Variants in SMIM36 observed in about 807,000 individuals in gnomAD.
SMIM36 encodes small integral membrane protein 36.
chr17:55,459,608 G>C (rs146440660), intron 4 of SMIM36, among the ~76,000 whole-genome samples: 4 of 152,148 alleles, frequency 2.6e-5, no homozygotes, highest in Non-Finnish European at 4.4e-5. Context: ...AGTTGATTAT[G>C]CAATTATTTG....
chr17:55,512,864 G>C (rs188123526), upstream of SMIM36, among the ~76,000 whole-genome samples: 19 of 152,268 alleles, frequency 1.2e-4, no homozygotes, highest in African/African-American at 3.6e-4. Context: ...AAGGTCTGCT[G>C]GTTTCTTAGT....
chr17:55,495,400 A>AT (rs1337479414), intron 1 of SMIM36, among the ~76,000 whole-genome samples: 2 of 152,242 alleles, frequency 1.3e-5, no homozygotes, highest in Non-Finnish European at 2.9e-5. Flanking sequence ...AACCACTGCT[A>AT]TAACCATAAC....
In SMIM36 at chr17:55,488,854, T is replaced by C. The variant is rs559608242; in HGVS notation, c.*175-9274A>G. 5.9e-5 allele frequency among the ~76,000 whole-genome samples: 9 copies of C among 152,204 alleles called. No homozygotes were observed. In the South Asian group the frequency reaches 1.9e-3, roughly 32 times the overall value. ...TCTGATCAAACGGCCCTATAACTTG[T>C]ATGAATGCGTACACCTGGTAGCAGT... On this transcript the variant is annotated intron_variant, in intron 1 of 4. Coordinates refer to ENST00000636752, the Ensembl canonical transcript of SMIM36.
chr17:55,514,962 T>C (rs1393661452), upstream of SMIM36, among the ~76,000 whole-genome samples: 1 of 152,048 alleles, frequency 6.6e-6, no homozygotes, highest in Non-Finnish European at 1.5e-5. Flanking sequence ...AAAAAAGCAT[T>C]GGGAGTTTGA....
intron 1 of SMIM36, among the ~76,000 whole-genome samples, chr17:55,508,707 G>A (rs1022874234): frequency 6.6e-6 from 1 of 151,746 alleles, no homozygotes; most frequent in African/African-American, 2.4e-5. Context: ...CGGATCACCT[G>A]AGGTCGGGAG....
At chr17:55,522,324 A>T in the SMIM36 span, among the ~76,000 whole-genome samples, 76 of 152,312 alleles carry the variant, frequency 5.0e-4, no homozygotes, top group Middle Eastern at 0.01. Context: ...GCTTTCCATG[A>T]CCATTCCTTA....
At chr17:55,454,214 A>G (rs923835125) in intron 4 of SMIM36, 11 of 152,256 alleles carry the variant, frequency 7.2e-5, no homozygotes, top group African/African-American at 2.7e-4. Context: ...TTTATTAAAA[A>G]GGAGGAAATG....
rs529543611 is a variant in SMIM36, at chr17:55,473,416, G to A, written c.*347+5346C>T. ...GGTCGACGCCTTTCCCACTAGCTCC[G>A]AAAAGGCTACTGCGGTCATTTCTTC... On this transcript the variant is annotated intron_variant, in intron 3 of 4. Transcript: ENST00000636752. Among the ~76,000 whole-genome samples the A allele has an allele frequency of 1.6e-4, 25 of 152,238 alleles. No individual in the cohort carries two copies. In the East Asian group the frequency reaches 4.3e-3, roughly 26 times the overall value.
chr17:55,496,566 T>C (rs570862245), intron 1 of SMIM36, among the ~76,000 whole-genome samples: 1 of 152,344 alleles, frequency 6.6e-6, no homozygotes, highest in African/African-American at 2.4e-5. Context: ...AGTGATCTCA[T>C]ACTTTCTGTA....
chr17:55,492,611 TAACA>T (rs907976962), intron 1 of SMIM36, among the ~76,000 whole-genome samples: 132 of 144,784 alleles, frequency 9.1e-4, no homozygotes, highest in African/African-American at 3.5e-3. Flanking sequence ...GCACAATTTC[TAACA>T]AATACACCCA....
At chr17:55,488,392 A>G (rs904683443) in intron 1 of SMIM36, among the ~76,000 whole-genome samples, 7 of 152,256 alleles carry the variant, frequency 4.6e-5, no homozygotes, top group African/African-American at 1.7e-4. Context: ...TTCATTGTAG[A>G]AAAATTGGAA....
intron 1 of SMIM36, among the ~76,000 whole-genome samples, chr17:55,484,218 C>T (rs1025241577): frequency 2.0e-5 from 3 of 152,134 alleles, no homozygotes; most frequent in Middle Eastern, 3.2e-3. Flanking sequence ...AAGGTTTCAA[C>T]TTCCCGTTCT....
At chr17:55,493,753 T>G (rs1184767425) in intron 1 of SMIM36, among the ~76,000 whole-genome samples, 1 of 136,306 alleles carries the variant, frequency 7.3e-6, no homozygotes, top group East Asian at 2.2e-4. Flanking sequence ...AAGGCTCCAG[T>G]GACCCGAGAT....
At chr17:55,463,077 G>A (rs1165154006) in intron 4 of SMIM36, among the ~76,000 whole-genome samples, 1 of 152,054 alleles carries the variant, frequency 6.6e-6, no homozygotes, top group African/African-American at 2.4e-5. Context: ...GATCCTCCAG[G>A]CTATGTAATA....
At chr17:55,494,134 A>G (rs1909765436) in intron 1 of SMIM36, among the ~76,000 whole-genome samples, 1 of 152,148 alleles carries the variant, frequency 6.6e-6, no homozygotes, top group Admixed American at 6.5e-5. Context: ...TTTTCCCATG[A>G]GAAACAAAGT....
chr17:55,492,390 G>A (rs1223700123), intron 1 of SMIM36, among the ~76,000 whole-genome samples: 1 of 150,872 alleles, frequency 6.6e-6, no homozygotes, highest in Non-Finnish European at 1.5e-5. Flanking sequence ...CTACAGGCTT[G>A]CGCCACCAAG....
intron 1 of SMIM36, among the ~76,000 whole-genome samples, chr17:55,487,041 A>G (rs1909618936): frequency 6.6e-6 from 1 of 152,170 alleles, no homozygotes; most frequent in South Asian, 2.1e-4. Flanking sequence ...CTTATGCTAG[A>G]GTTGGGAAGA....
intron 1 of SMIM36, among the ~76,000 whole-genome samples, chr17:55,480,858 A>C (rs1909507963): frequency 6.6e-6 from 1 of 152,148 alleles, no homozygotes; most frequent in South Asian, 2.1e-4. Context: ...TATCTCTTCT[A>C]TGCAGTGTGA....
At chr17:55,513,147 T>A (rs901619407), upstream of SMIM36, among the ~76,000 whole-genome samples, 27 of 152,210 alleles carry the variant, frequency 1.8e-4, no homozygotes, top group African/African-American at 6.0e-4. Flanking sequence ...CAACCCTAGA[T>A]CTACTGAGTT....
Sources: allele counts gnomAD v4.1 joint callset (sites outside exome capture counted in the v4.1 genomes callset), GRCh38; gene constraint gnomAD v4.1.1; transcripts MANE v1.5; gene names NCBI Gene and HGNC (gene_info 2026-07-23, HGNC 2026-07-21).